SDK1: variants seen among roughly 807,000 people sequenced by gnomAD.
SDK1 encodes sidekick cell adhesion molecule 1.
Under a neutral mutation model 245.5 loss-of-function variants are expected in SDK1, and 157 were observed. The observed-to-expected ratio is 0.64, with a 90% CI of 0.56 to 0.73. The LOEUF (loss-of-function observed/expected upper bound fraction) is 0.73. Ranked by LOEUF, SDK1 falls within the 30% of genes least tolerant of loss-of-function variation. The probability of loss-of-function intolerance (pLI) is 0.00; values close to 1 mark genes in which losing one functional copy is unlikely to be tolerated. For missense variants in SDK1, 3,583 were observed against 3,002.3 expected, an observed-to-expected ratio of 1.19 and a Z score of -4.52; for synonymous variants, 1,647 against 1,278.5, an observed-to-expected ratio of 1.29 and a Z score of -6.15.
intron 4 of SDK1, among the ~76,000 whole-genome samples, chr7:3,769,341 G>T (rs899260118): frequency 2.6e-5 from 4 of 152,126 alleles, no homozygotes; most frequent in Non-Finnish European, 5.9e-5. Flanking sequence ...AGAGTCCTGA[G>T]GTGTAGTACA....
chr7:3,811,293 G>A (rs1392935993), intron 4 of SDK1, among the ~76,000 whole-genome samples: 1 of 152,136 alleles, frequency 6.6e-6, no homozygotes, highest in Non-Finnish European at 1.5e-5. Flanking sequence ...GCCCCACCCA[G>A]GTCACAGTTG....
intron 5 of SDK1, among the ~76,000 whole-genome samples, chr7:3,866,597 G>A (rs948432880): frequency 7.9e-5 from 12 of 152,122 alleles, no homozygotes; most frequent in East Asian, 1.9e-4. Context: ...GTGCATGCAC[G>A]CACTAGTTTT....
chr7:3,392,964 T>TA (rs1781797554), intron 1 of SDK1, among the ~76,000 whole-genome samples: 1 of 131,680 alleles, frequency 7.6e-6, no homozygotes, highest in South Asian at 2.6e-4. Context: ...GTTTTAAATT[T>TA]TTTTTTTTTT....
chr7:3,718,573 A>G (rs1785272402), intron 4 of SDK1, among the ~76,000 whole-genome samples: 1 of 140,584 alleles, frequency 7.1e-6, no homozygotes, highest in Non-Finnish European at 1.5e-5. Context: ...ATAAATAAAT[A>G]AATAAATAAA....
Position 4,131,514 on chromosome 7 carries a change from C to A in SDK1, c.4130-811C>A, listed in dbSNP as rs768725238. ...CATAGCCAGGGACAGACGTCAGCGG[C>A]CCAGAACGACGAACATACATCCTTT... On this transcript the variant is annotated intron_variant, in intron 27 of 44. Coordinates refer to ENST00000404826, the MANE Select transcript of SDK1 (RefSeq NM_152744.4). Among the ~76,000 whole-genome samples, 6 of 152,318 alleles carry A rather than the reference C, an allele frequency of 3.9e-5. No individual in the cohort carries two copies. The South Asian group carries it at 6.2e-4, about 16-fold the overall frequency.
chr7:4,112,130 C>G (rs190129409), intron 23 of SDK1, among the ~76,000 whole-genome samples: 1 of 152,138 alleles, frequency 6.6e-6, no homozygotes, highest in African/African-American at 2.4e-5. Flanking sequence ...TGCTTTTATA[C>G]ATTTTAGGGA....
At chr7:4,060,386 TG>T (rs1312925059) in intron 19 of SDK1, among the ~76,000 whole-genome samples, 3 of 152,218 alleles carry the variant, frequency 2.0e-5, no homozygotes, top group Non-Finnish European at 4.4e-5. Flanking sequence ...GCAGACCTAA[TG>T]AAACAAAGAC....
chr7:4,262,265 TGACCTCAGGTGATCTGCC>T (rs1030267469), intron 44 of SDK1, among the ~76,000 whole-genome samples: 1 of 151,756 alleles, frequency 6.6e-6, no homozygotes, highest in Non-Finnish European at 1.5e-5. Flanking sequence ...CTCGAACTCC[TGACCTCAGGTGATCTGCC>T]GACCTCAGGT....
intron 1 of SDK1, among the ~76,000 whole-genome samples, chr7:3,385,189 G>A (rs546788719): frequency 3.0e-4 from 45 of 152,218 alleles, no homozygotes; most frequent in Non-Finnish European, 5.0e-4. Flanking sequence ...GGCTTTTTCT[G>A]AGCCTCAGTT....
At chr7:3,679,437 G>A (rs1784028215) in intron 4 of SDK1, among the ~76,000 whole-genome samples, 2 of 152,172 alleles carry the variant, frequency 1.3e-5, no homozygotes, top group Non-Finnish European at 2.9e-5. Context: ...CGCGGTGGCG[G>A]GCGCCTGTAG....
chr7:4,001,083 G>GCTGT (rs1411971495), intron 14 of SDK1, among the ~76,000 whole-genome samples: 1 of 152,184 alleles, frequency 6.6e-6, no homozygotes, highest in Non-Finnish European at 1.5e-5. Flanking sequence ...TCTGGCCCAG[G>GCTGT]CTGTCCCACA....
chr7:4,098,066 A>G (rs1316488947), intron 22 of SDK1, among the ~76,000 whole-genome samples: 1 of 152,234 alleles, frequency 6.6e-6, no homozygotes, highest in Non-Finnish European at 1.5e-5. Context: ...TCGACTGTCC[A>G]TAATAACACC....
chr7:4,055,222 A>T (rs1431273971), intron 19 of SDK1, among the ~76,000 whole-genome samples: 1 of 152,204 alleles, frequency 6.6e-6, no homozygotes, highest in Non-Finnish European at 1.5e-5. Flanking sequence ...ACTCTCAGGG[A>T]CTGAAGAATT....
chr7:3,327,801 C>A lies in SDK1; in HGVS notation c.298+25917C>A, dbSNP rs370932431. On this transcript the variant is annotated intron_variant, in intron 1 of 44. Coordinates refer to ENST00000404826, the MANE Select transcript of SDK1 (RefSeq NM_152744.4). ...TAGTAATGTGTTTGATTACGGTATG[C>A]TTTTCCATACCCCAGGAATATTATG... 3.2e-4 allele frequency among the ~76,000 whole-genome samples: 48 copies of A among 152,232 alleles called. 2 individuals carry two copies. The highest frequency in any genetic ancestry group is 8.7e-4 in the African/African-American group (36 of 41,550).
In SDK1 at chr7:3,826,006, A is replaced by G. The variant is rs1583453595; in HGVS notation, c.847+4423A>G. Among the ~76,000 whole-genome samples, 5 of 152,240 alleles carry G rather than the reference A, an allele frequency of 3.3e-5. No individual in the cohort carries two copies. In the South Asian group the frequency reaches 1.0e-3, roughly 31 times the overall value. ...TGACACTTTACTGCCAGAATTTTTC[A>G]GAAACATAAATAGGAAGTCTATTTT... On this transcript the variant is annotated intron_variant, in intron 5 of 44. Coordinates refer to ENST00000404826, the MANE Select transcript of SDK1 (RefSeq NM_152744.4).
chr7:3,463,729 T>G (rs1311281054), intron 1 of SDK1, among the ~76,000 whole-genome samples: 1 of 152,218 alleles, frequency 6.6e-6, no homozygotes, highest in African/African-American at 2.4e-5. Flanking sequence ...TCCCCCTCTC[T>G]GCTGGTCTCA....
intron 4 of SDK1, among the ~76,000 whole-genome samples, chr7:3,763,426 G>A (rs1022436511): frequency 3.3e-5 from 5 of 151,904 alleles, no homozygotes; most frequent in African/African-American, 9.7e-5. Context: ...ATTCTGCAAC[G>A]AACATTTTGC....
At chr7:4,066,781 C>G (rs774206735) in intron 19 of SDK1, among the ~76,000 whole-genome samples, 1 of 152,216 alleles carries the variant, frequency 6.6e-6, no homozygotes, top group African/African-American at 2.4e-5. Context: ...CGGCCAGCAG[C>G]GACTTGCTGT....
At chr7:3,847,602 CATTATCTCTCACTGGATTA>C (rs1417970528) in intron 5 of SDK1, among the ~76,000 whole-genome samples, 3 of 152,222 alleles carry the variant, frequency 2.0e-5, no homozygotes, top group African/African-American at 7.2e-5. Flanking sequence ...GTCATGCTCT[CATTATCTCTCACTGGATTA>C]ATGCTCTCAG....
Sources: gnomAD v4.1 joint callset for allele counts (sites outside exome capture counted in the v4.1 genomes callset) on GRCh38, gnomAD v4.1.1 for gene constraint, MANE v1.5 for transcripts, NCBI Gene and HGNC (gene_info 2026-07-23, HGNC 2026-07-21) for gene names.